Variants in LFNG observed in about 807,000 individuals in gnomAD.
LFNG encodes beta-1,3-N-acetylglucosaminyltransferase lunatic fringe.
A neutral mutation model predicts 32.7 loss-of-function variants in LFNG; 15 were observed. The observed-to-expected ratio is 0.46, with a 90% CI of 0.31 to 0.71. The LOEUF is 0.71. Among genes scored for constraint, LFNG ranks in the 30% least tolerant of loss-of-function variants. LFNG has a pLI of 0.06. For synonymous variants in LFNG, 274 were observed against 246.8 expected (o/e 1.11, Z -1.03); for missense variants, 520 against 545.7 (o/e 0.95, Z 0.47).
Position 2,519,917 on chromosome 7 carries a change from C to A in LFNG, c.56C>A (p.Ala19Asp). 1 of 1,083,996 alleles carries A rather than the reference C, an allele frequency of 9.2e-7. No homozygotes were observed. The highest frequency in any genetic ancestry group is 3.1e-5 in the South Asian group (1 of 32,176). 67.1% of individuals were successfully genotyped at this position (1,083,996 alleles called of 1,614,324 possible). A position where few individuals can be genotyped will look rare whatever the true frequency, so the allele number is the denominator to read the frequency against. Residue 19 changes from alanine (A) to aspartate (D), a missense_variant, in exon 1 of 8, where the codon GCC becomes GAC. Ala to Asp is a moderately radical substitution (Grantham distance 126). Transcript: ENST00000222725. The stretch of plus-strand genomic sequence containing the variant: ...CTGGCGCTGGCGGGCGCGCTGCTCG[C>A]CTGCCTGCTGGTGCTCACCGCCGAC... Reference protein sequence around the residue: ...LLLALAGALLACLLVLTADPP... With the variant: ...LLLALAGALLDCLLVLTADPP...
At chr7:2,514,854 T>TCATCTGTCCATCCATCCATCCATCCATC (rs1779580692), upstream of LFNG, among the ~76,000 whole-genome samples, 2 of 72,494 alleles carry the variant, frequency 2.8e-5, no homozygotes, top group Non-Finnish European at 3.1e-5. Flanking sequence ...ATCCATCCAT[T>TCATCTGTCCATCCATCCATCCATCCATC]CATCTGTCTA....
At position 2,527,834 on chromosome 7, in the gene LFNG, G is replaced by A. The variant is rs2128378630; in HGVS notation, c.*622G>A. On this transcript the variant is annotated 3_prime_UTR_variant, in exon 8 of 8. Coordinates refer to ENST00000222725, the MANE Select transcript of LFNG (RefSeq NM_001040167.2). The surrounding 1 kb of genome is among the most constrained non-coding windows in gnomAD (Gnocchi z 4.4). Reference sequence around the variant, plus strand: ...GGCTGGCTGTCCAGCTGGGCAAACAGTGGCACCCCTCCCAGCTCTTCTGAG... The same window carrying A: ...GGCTGGCTGTCCAGCTGGGCAAACAATGGCACCCCTCCCAGCTCTTCTGAG... The A allele has an allele frequency of 1.0e-6, 1 of 1,002,538 alleles. No homozygotes were observed. The highest frequency in any genetic ancestry group is 1.2e-6 in the Non-Finnish European group (1 of 838,808). The allele number at this position is 1,002,538 out of a possible 1,614,324, so 62.1% of individuals were successfully genotyped here.
intron 2 of LFNG, 25 bp downstream of exon 2, chr7:2,524,768 G>C (rs1350780082): frequency 2.6e-6 from 4 of 1,564,074 alleles, no homozygotes; most frequent in East Asian, 2.3e-5. Context: ...TGGGGCGGGA[G>C]GGGGCCCAGG....
At position 2,525,685 on chromosome 7, in the gene LFNG, C is replaced by T. The variant is rs372733027; in HGVS notation, c.736C>T (p.Arg246Cys). 7 of 1,613,088 alleles carry T rather than the reference C, an allele frequency of 4.3e-6. No individual in the cohort carries two copies. The highest frequency in any genetic ancestry group is 1.7e-5 in the Admixed American group (1 of 60,010). Residue 246 changes from arginine to cysteine, a missense_variant and splice_region_variant, in exon 5 of 8, where the codon CGT becomes TGT. Physicochemically the swap from Arg to Cys is radical, Grantham distance 180. Transcript: ENST00000222725. The part of the protein sequence containing the change: ...AMERVSENKV[R>C]PVHFWFATGG... ...CAGGACACCTTCTCCCTTCTCCCAG[C>T]GTCCTGTCCACTTCTGGTTTGCCAC...
chr7:2,516,521 G>C (rs913612395), upstream of LFNG, among the ~76,000 whole-genome samples: 1 of 152,210 alleles, frequency 6.6e-6, no homozygotes, highest in Non-Finnish European at 1.5e-5. Flanking sequence ...TCCAGCAGGA[G>C]AACCCCCGGG....
At chr7:2,515,633 G>A (rs1367305688), upstream of LFNG, among the ~76,000 whole-genome samples, 4 of 152,262 alleles carry the variant, frequency 2.6e-5, no homozygotes, top group African/African-American at 7.2e-5. Context: ...TGGAAAGGCC[G>A]TGGCTTCACG....
Position 2,519,857 on chromosome 7 carries a change from C to A in LFNG, c.-5C>A. 2 of 1,092,960 alleles carry A rather than the reference C, an allele frequency of 1.8e-6. No individual in the cohort carries two copies. Among genetic ancestry groups the A allele is most frequent in the African/African-American group, 1.7e-5 (1 of 59,112 alleles). 67.7% of individuals were successfully genotyped at this position (1,092,960 alleles called of 1,614,324 possible). A position where few individuals can be genotyped will look rare whatever the true frequency, so the allele number is the denominator to read the frequency against. On this transcript the variant is annotated 5_prime_UTR_variant, in exon 1 of 8. Coordinates refer to ENST00000222725, the MANE Select transcript of LFNG (RefSeq NM_001040167.2). The stretch of plus-strand genomic sequence containing the variant: ...AAGGGCGCGCCGCGCGGCCGCCACC[C>A]CACCATGCTCAAGCGCTGCGGCCGG...
In LFNG at chr7:2,519,945, G is replaced by A. The variant is rs1315611533; in HGVS notation, c.84G>A (p.Pro28=). The change falls in exon 1 of 8, where the codon CCG becomes CCA. Residue 28 remains proline (P), a synonymous_variant. Transcript: ENST00000222725. ...GCCTGCTGGTGCTCACCGCCGACCC[G>A]CCGCCGCCTCCACTGCCCGCCGAGC... ...LACLLVLTAD[P]PPPPLPAERG... 3.0e-6 allele frequency: 3 copies of A among 1,015,412 alleles called. No homozygotes were observed. The highest frequency in any genetic ancestry group is 4.4e-5 in the South Asian group (1 of 22,668). 62.9% of individuals were successfully genotyped at this position (1,015,412 alleles called of 1,614,324 possible).
At chr7:2,525,130 C>G (rs983946302) in intron 2 of LFNG, 89 bp from the exon 3 acceptor site, 563 of 1,172,434 alleles carry the variant, frequency 4.8e-4, no homozygotes, top group Non-Finnish European at 6.6e-4. Flanking sequence ...GGGCTTTTCT[C>G]GAGCCCCTGG....
chr7:2,527,178 A>G lies in LFNG; in HGVS notation c.1106A>G (p.Asp369Gly). The change falls in exon 8 of 8, where the codon GAC becomes GGC. Residue 369 changes from aspartate (D) to glycine (G), a missense_variant. This residue lies in a region of LFNG where 150 missense variants were observed against 159.9 expected (regional missense o/e 0.94). Coordinates refer to ENST00000222725, the MANE Select transcript of LFNG (RefSeq NM_001040167.2). This position sits in a 1 kb window ranked among gnomAD's most constrained non-coding sequence, Gnocchi z 4.4. ...FRSIHCHLYPDTPWCPRTAIF is the reference protein window; with the variant it reads ...FRSIHCHLYPGTPWCPRTAIF ...TCCATCCACTGCCACCTGTACCCGG[A>G]CACACCCTGGTGTCCCCGCACTGCC... 6.2e-7 allele frequency: 1 copy of G among 1,612,870 alleles called. No homozygotes were observed. The highest frequency in any genetic ancestry group is 8.5e-7 in the Non-Finnish European group (1 of 1,179,908).
chr7:2,520,430 C>A lies in LFNG; in HGVS notation c.432+137C>A. 4.1e-6 allele frequency: 3 copies of A among 739,034 alleles called. No homozygotes were observed. Among genetic ancestry groups the A allele is most frequent in the Non-Finnish European group, 6.3e-6 (3 of 472,682 alleles). The allele number at this position is 739,034 out of a possible 1,614,324, so 45.8% of individuals were successfully genotyped here. ...GGGCCATCTGTGGGCGACGCCAGTG[C>A]ACCCCGGTGCACCCAGTTTGCCTGC... On this transcript the variant is annotated intron_variant, in intron 1 of 7. Coordinates refer to ENST00000222725, the MANE Select transcript of LFNG (RefSeq NM_001040167.2). The surrounding 1 kb of genome is among the most constrained non-coding windows in gnomAD (Gnocchi z 5.0).
chr7:2,521,036 T>TG (rs895245125), intron 1 of LFNG, among the ~76,000 whole-genome samples: 2 of 151,804 alleles, frequency 1.3e-5, no homozygotes, highest in African/African-American at 4.8e-5. Context: ...AGTCGGGGAC[T>TG]GGGGGGGTGT....
chr7:2,522,503 G>A (rs1779820814), intron 1 of LFNG, among the ~76,000 whole-genome samples: 2 of 152,222 alleles, frequency 1.3e-5, no homozygotes, highest in Admixed American at 6.5e-5. Context: ...TTGCTGGGGA[G>A]AACTTGGCAT....
chr7:2,515,701 A>G (rs1291344789), upstream of LFNG, among the ~76,000 whole-genome samples: 2 of 152,250 alleles, frequency 1.3e-5, no homozygotes, highest in African/African-American at 2.4e-5. Flanking sequence ...GGCACCAGCC[A>G]TATCCCTATT....
Position 2,520,046 on chromosome 7 carries a change from C to T in LFNG, c.185C>T (p.Ala62Val), listed in dbSNP as rs940240703. 1 of 1,092,808 alleles carries T rather than the reference C, an allele frequency of 9.2e-7. No homozygotes were observed. The highest frequency in any genetic ancestry group is 4.0e-5 in the South Asian group (1 of 25,280). 67.7% of individuals were successfully genotyped at this position (1,092,808 alleles called of 1,614,324 possible). The stretch of plus-strand genomic sequence containing the variant: ...GCGCCCGGGCTGGGGGCGGCGGCGG[C>T]GGCGCCCGGGGCGCTGGTCCGCGAC... ...APAPGLGAAA[A>V]APGALVRDVH... is the part of the protein sequence containing the mutation. Residue 62 changes from alanine (A) to valine (V), a missense_variant, in exon 1 of 8, where the codon GCG becomes GTG. Physicochemically the swap from Ala to Val is moderately conservative, Grantham distance 64. Transcript: ENST00000222725. This position sits in a 1 kb window ranked among gnomAD's most constrained non-coding sequence, Gnocchi z 5.0.
chr7:2,524,484 T>C (rs1182366859), intron 1 of LFNG, among the ~76,000 whole-genome samples: 1 of 151,734 alleles, frequency 6.6e-6, no homozygotes, highest in Non-Finnish European at 1.5e-5. Context: ...CCAGGGCGAG[T>C]GAATGCGTGA....
chr7:2,524,944 C>G (rs567370539), intron 2 of LFNG, among the ~76,000 whole-genome samples: 1 of 152,366 alleles, frequency 6.6e-6, no homozygotes, highest in Non-Finnish European at 1.5e-5. Flanking sequence ...CATTCAGCCC[C>G]CCGGGTCCCT....
rs1156521032 is a variant in LFNG at position 2,527,566 on chromosome 7, G to T, written c.*354G>T. ...ACGGGGCTCCGGGCTACTTTGCAGG[G>T]ATGCGATGCGTAGGTGCCTTTCTCT... is the stretch of plus-strand genomic sequence containing the variant. On this transcript the variant is annotated 3_prime_UTR_variant, in exon 8 of 8. Coordinates refer to ENST00000222725, the MANE Select transcript of LFNG (RefSeq NM_001040167.2). The surrounding 1 kb of genome is among the most constrained non-coding windows in gnomAD (Gnocchi z 4.4). The T allele has an allele frequency of 2.4e-6, 3 of 1,232,504 alleles. No homozygotes were observed. The highest frequency in any genetic ancestry group is 3.5e-5 in the Admixed American group (1 of 28,668). The allele number at this position is 1,232,504 out of a possible 1,614,324, so 76.3% of individuals were successfully genotyped here. A position where few individuals can be genotyped will look rare whatever the true frequency, so the allele number is the denominator to read the frequency against.
At chr7:2,525,382 G>T in intron 3 of LFNG, 32 bp from the exon 4 acceptor site, 1 of 1,612,600 alleles carries the variant, frequency 6.2e-7, no homozygotes, top group South Asian at 1.1e-5. Flanking sequence ...GCCCCGGCAT[G>T]CCCTCCCCCG....
Sources: gnomAD v4.1 joint callset for allele counts (sites outside exome capture counted in the v4.1 genomes callset) on GRCh38, gnomAD v4.1.1 for gene constraint, gnomAD v4.1.1 regional missense constraint, Gnocchi (gnomAD v3.1) non-coding constraint, MANE v1.5 for transcripts, NCBI Gene and HGNC (gene_info 2026-07-23, HGNC 2026-07-21) for gene names.